Variants in FAM118A observed in about 807,000 individuals in gnomAD.
FAM118A encodes the protein protein FAM118A.
Under a neutral mutation model 38.2 loss-of-function variants are expected in FAM118A, and 25 were observed. That is an observed-to-expected ratio of 0.65 (90% CI 0.48 to 0.91). FAM118A has a LOEUF of 0.91. Among genes scored for constraint, FAM118A ranks in the 40% least tolerant of loss-of-function variants. The probability of loss-of-function intolerance (pLI) is 0.00; values close to 1 mark genes in which losing one functional copy is unlikely to be tolerated. For missense variants in FAM118A, 425 were observed against 463.3 expected (o/e 0.92, Z 0.76); for synonymous variants, 178 against 184.1 (o/e 0.97, Z 0.27).
intron 1 of FAM118A, among the ~76,000 whole-genome samples, chr22:45,318,057 G>A (rs1569123476): frequency 6.6e-6 from 1 of 152,162 alleles, no homozygotes; most frequent in East Asian, 1.9e-4. Flanking sequence ...TAACAAGTTC[G>A]ATTTTGGTAG....
chr22:45,328,613 A>C, intron 4 of FAM118A: 1 of 603,320 alleles, frequency 1.7e-6, no homozygotes, highest in South Asian at 1.9e-5. Flanking sequence ...CCTGGGTGAC[A>C]GAGTAAGACC....
At chr22:45,322,096 C>T in intron 1 of FAM118A, 1 of 1,094,820 alleles carries the variant, frequency 9.1e-7, no homozygotes, top group East Asian at 3.8e-5. Context: ...AGAGCCCATC[C>T]TTCATCTGCT....
chr22:45,338,549 C>T (rs1241208251), intron 8 of FAM118A, among the ~76,000 whole-genome samples: 1 of 152,138 alleles, frequency 6.6e-6, no homozygotes, highest in Non-Finnish European at 1.5e-5. Flanking sequence ...TCTTAGTTAC[C>T]TTTTCTCAGA....
rs1212094362 is a variant in FAM118A, at chr22:45,330,707, C to A, written c.627C>A (p.Asp209Glu). The A allele has an allele frequency of 1.3e-6, 2 of 1,583,668 alleles. No homozygotes were observed. The highest frequency in any genetic ancestry group is 1.7e-6 in the Non-Finnish European group (2 of 1,168,128). The change falls in exon 5 of 9, where the codon GAC becomes GAA. Residue 209 changes from aspartate (D) to glutamate (E), a missense_variant. Asp to Glu is a conservative substitution (Grantham distance 45). Coordinates refer to ENST00000441876, the MANE Select transcript of FAM118A (RefSeq NM_017911.4). ...TGCTGGACCCATCGGGGTATAAAGA[C>A]GTCACTCAAGACGCAGAAGTCATGG... ...GVVLDPSGYK[D>E]VTQDAEVMEV...
At chr22:45,312,796 A>G (rs2084428908) in intron 1 of FAM118A, among the ~76,000 whole-genome samples, 1 of 152,216 alleles carries the variant, frequency 6.6e-6, no homozygotes, top group Non-Finnish European at 1.5e-5. Flanking sequence ...GATGCTGTGC[A>G]GAGCTTCTGT....
At chr22:45,309,167 T>G, upstream of FAM118A, 1 of 152,330 alleles carries the variant, frequency 6.6e-6, no homozygotes. Flanking sequence ...GGATCGAACC[T>G]AAGCTGGGGA....
At chr22:45,331,999 T>G (rs1407893305) in intron 5 of FAM118A, among the ~76,000 whole-genome samples, 3 of 152,224 alleles carry the variant, frequency 2.0e-5, no homozygotes, top group African/African-American at 7.2e-5. Flanking sequence ...TTTATGTGCA[T>G]AATTCTGAAC....
chr22:45,325,623 G>T (rs2085207681), intron 3 of FAM118A, among the ~76,000 whole-genome samples: 1 of 152,132 alleles, frequency 6.6e-6, no homozygotes, highest in Admixed American at 6.5e-5. Context: ...GGGGAAGCTG[G>T]CCCAGAGGTT....
chr22:45,336,264 T>A, intron 7 of FAM118A, 64 bp from the exon 8 acceptor site: 4 of 1,362,486 alleles, frequency 2.9e-6, no homozygotes, highest in Non-Finnish European at 4.1e-6. Flanking sequence ...GGTCACATTA[T>A]GAACTGTGCC....
rs1173083652 is a variant in FAM118A at position 45,340,824 on chromosome 22, CAG to C, written c.*422_*423del. On this transcript the variant is annotated 3_prime_UTR_variant, in exon 9 of 9. Coordinates refer to ENST00000441876, the MANE Select transcript of FAM118A (RefSeq NM_017911.4). ...AAATAGACACTTTTTTTTTTTGAGT[CAG>C]AGTCTCACTCTGTCACCCAGGACAG... The C allele has an allele frequency of 3.6e-5, 7 of 192,428 alleles. No individual in the cohort carries two copies. The highest frequency in any genetic ancestry group is 2.2e-4 in the South Asian group (2 of 9,276). The allele number at this position is 192,428 out of a possible 1,614,324, so 11.9% of individuals were successfully genotyped here.
intron 1 of FAM118A, chr22:45,318,440 G>C (rs1288483431): frequency 6.6e-6 from 1 of 152,210 alleles, no homozygotes; most frequent in East Asian, 1.9e-4. Flanking sequence ...TCTGGGATCT[G>C]ATTGGCTTAG....
At chr22:45,333,760 G>A (rs1407315877) in intron 6 of FAM118A, among the ~76,000 whole-genome samples, 1 of 151,750 alleles carries the variant, frequency 6.6e-6, no homozygotes, top group Non-Finnish European at 1.5e-5. Context: ...GGGATTGCTT[G>A]AGCCCAGGAG....
intron 1 of FAM118A, among the ~76,000 whole-genome samples, chr22:45,311,083 G>A (rs1008638253): frequency 1.3e-5 from 2 of 152,172 alleles, no homozygotes; most frequent in East Asian, 3.8e-4. Context: ...CATCTGGGTG[G>A]GCATGGGATT....
chr22:45,340,569 G>A lies in FAM118A; in HGVS notation c.*164G>A. On this transcript the variant is annotated 3_prime_UTR_variant, in exon 9 of 9. Transcript: ENST00000441876. Reference sequence around the variant, plus strand: ...TGTGGCCCTCAAGGCTGGGTGAGAGGGCTCCCCTGTGTGTTGAACTATGCA... The same window carrying A: ...TGTGGCCCTCAAGGCTGGGTGAGAGAGCTCCCCTGTGTGTTGAACTATGCA... 1.3e-6 allele frequency: 1 copy of A among 777,610 alleles called. No individual in the cohort carries two copies. The highest frequency in any genetic ancestry group is 2.2e-5 in the Admixed American group (1 of 45,194). The allele number at this position is 777,610 out of a possible 1,614,324, so 48.2% of individuals were successfully genotyped here. A position where few individuals can be genotyped will look rare whatever the true frequency, so the allele number is the denominator to read the frequency against.
At chr22:45,309,121 G>T (rs1049264409), upstream of FAM118A, 1 of 152,270 alleles carries the variant, frequency 6.6e-6, no homozygotes, top group Non-Finnish European at 1.5e-5. Flanking sequence ...CGCGGCACCT[G>T]CGACAGGGAT....
chr22:45,328,702 G>A (rs550957907), intron 4 of FAM118A: 4 of 550,820 alleles, frequency 7.3e-6, no homozygotes, highest in South Asian at 2.1e-5. Context: ...AGAATAGCTG[G>A]AACTGGGAGG....
In FAM118A at chr22:45,336,318, TCTC is replaced by T; in HGVS notation, c.971-9_971-7del. The T allele has an allele frequency of 6.2e-7, 1 of 1,608,458 alleles. No homozygotes were observed. The highest frequency in any genetic ancestry group is 8.5e-7 in the Non-Finnish European group (1 of 1,175,738). On this transcript the variant is annotated splice_region_variant and splice_polypyrimidine_tract_variant and intron_variant, in intron 7 of 8. Transcript: ENST00000441876. ...ATAAACAAGCTTCTTAATAAATTCT[TCTC>T]TTTTAGGTAATGCATGCCAGGACTG...
At chr22:45,326,622 T>C in intron 3 of FAM118A, among the ~76,000 whole-genome samples, 1 of 147,992 alleles carries the variant, frequency 6.8e-6, no homozygotes, top group Admixed American at 6.7e-5. Flanking sequence ...AGGTCAGGAG[T>C]TTGAGACCAG....
intron 4 of FAM118A, chr22:45,328,440 C>G: frequency 1.0e-6 from 1 of 960,404 alleles, no homozygotes; most frequent in Non-Finnish European, 1.8e-6. Flanking sequence ...AGTTCTGTGC[C>G]CTGGGAGCTG....
Sources: gnomAD v4.1 joint callset for allele counts (sites outside exome capture counted in the v4.1 genomes callset) on GRCh38, gnomAD v4.1.1 for gene constraint, MANE v1.5 for transcripts, NCBI Gene and HGNC (gene_info 2026-07-23, HGNC 2026-07-21) for gene names.